Variants in SYNJ1 observed in about 807,000 individuals in gnomAD.
SYNJ1 encodes synaptojanin 1, also known as polyphosphatidylinositol phosphatase SYNJ1.
SYNJ1 carries 78 observed loss-of-function variants against 168.2 expected under a neutral mutation model. The ratio of observed to expected loss-of-function variants is 0.46; its 90% CI spans 0.39 to 0.56. The LOEUF (loss-of-function observed/expected upper bound fraction) is 0.56, where lower values mean the gene tolerates loss of function less well. SYNJ1 is among the 20% of genes least tolerant of loss of function. SYNJ1 has a pLI of 0.00. For synonymous variants in SYNJ1, 539 were observed against 548.6 expected, an observed-to-expected ratio of 0.98 and a Z score of 0.24; for missense variants, 1,303 against 1,597.6, an observed-to-expected ratio of 0.82 and a Z score of 3.14.
chr21:32,641,921 G>C lies in SYNJ1; in HGVS notation c.3563C>G (p.Pro1188Arg). The C allele has an allele frequency of 6.2e-7, 1 of 1,613,698 alleles. No individual in the cohort carries two copies. Among genetic ancestry groups the C allele is most frequent in the Non-Finnish European group, 8.5e-7 (1 of 1,179,752 alleles). The change falls in exon 29 of 33, where the codon CCT (proline) becomes CGT (arginine). Residue 1188 changes from proline (P) to arginine (R), a missense_variant. Physicochemically the swap from Pro to Arg is moderately radical, Grantham distance 103. Coordinates refer to ENST00000674351, the MANE Select transcript of SYNJ1 (RefSeq NM_203446.3). ...SPQAGLAGPG[P>R]AGYSTARPTI... ...CGGTCTGGCTGTACTGTATCCAGCA[G>C]GTCCTGGGCCTGCAAGTCCTGCTTG...
At chr21:32,649,099 C>T (rs1396558452) in intron 23 of SYNJ1, among the ~76,000 whole-genome samples, 1 of 152,194 alleles carries the variant, frequency 6.6e-6, no homozygotes, top group Non-Finnish European at 1.5e-5. Context: ...GCAACTTTCC[C>T]ATGAGCTACC....
chr21:32,634,645 A>G (rs1353270000), intron 32 of SYNJ1, among the ~76,000 whole-genome samples: 1 of 152,218 alleles, frequency 6.6e-6, no homozygotes, highest in African/African-American at 2.4e-5. Context: ...AATGAAGCAA[A>G]AAGTGGTAAA....
At chr21:32,723,020 T>C (rs1216863138) in intron 2 of SYNJ1, among the ~76,000 whole-genome samples, 1 of 152,238 alleles carries the variant, frequency 6.6e-6, no homozygotes, top group Admixed American at 6.5e-5. Flanking sequence ...AATCTAATTA[T>C]ATCAGAATAT....
chr21:32,641,629 T>C (rs948199144), intron 29 of SYNJ1, among the ~76,000 whole-genome samples: 1 of 152,230 alleles, frequency 6.6e-6, no homozygotes, highest in Non-Finnish European at 1.5e-5. Flanking sequence ...CATTTCCTCA[T>C]ATACTGAGAC....
At chr21:32,659,411 C>T (rs530643745) in intron 18 of SYNJ1, among the ~76,000 whole-genome samples, 4 of 152,070 alleles carry the variant, frequency 2.6e-5, no homozygotes, top group African/African-American at 9.7e-5. Context: ...TGCCCAATTT[C>T]TGCCTCCAAA....
chr21:32,705,244 T>C (rs2042566754), intron 2 of SYNJ1, among the ~76,000 whole-genome samples: 1 of 151,824 alleles, frequency 6.6e-6, no homozygotes, highest in Non-Finnish European at 1.5e-5. Flanking sequence ...ATATGTCATA[T>C]ACATATATAG....
chr21:32,670,530 A>G (rs999966475), intron 14 of SYNJ1, among the ~76,000 whole-genome samples, 158 bp from the exon 15 acceptor site: 2 of 152,234 alleles, frequency 1.3e-5, no homozygotes, highest in East Asian at 1.9e-4. Flanking sequence ...GTGGAATGAA[A>G]TTATTAAAAT....
intron 2 of SYNJ1, among the ~76,000 whole-genome samples, chr21:32,708,972 T>A (rs2042716639): frequency 6.6e-6 from 1 of 151,958 alleles, no homozygotes; most frequent in Non-Finnish European, 1.5e-5. Flanking sequence ...AAAATAAAGG[T>A]GGAACAATAT....
chr21:32,690,818 A>T (rs561971948), intron 6 of SYNJ1, among the ~76,000 whole-genome samples: 28 of 152,302 alleles, frequency 1.8e-4, no homozygotes, highest in African/African-American at 6.7e-4. Flanking sequence ...GCTACTCGGG[A>T]TGCTGAGGTA....
intron 17 of SYNJ1, 76 bp from the exon 18 acceptor site, chr21:32,665,147 G>A (rs750835359): frequency 4.7e-5 from 66 of 1,418,332 alleles, no homozygotes; most frequent in Non-Finnish European, 5.8e-5. Flanking sequence ...TTCTTTGCCT[G>A]AGATATGCTT....
intron 24 of SYNJ1, 101 bp from the exon 25 acceptor site, chr21:32,645,890 C>G: frequency 6.8e-7 from 1 of 1,480,322 alleles, no homozygotes; most frequent in Non-Finnish European, 9.2e-7. Flanking sequence ...AAAATGTGCA[C>G]AATGGTGTAA....
chr21:32,675,715 G>A (rs1044650790), intron 13 of SYNJ1, among the ~76,000 whole-genome samples: 2 of 152,164 alleles, frequency 1.3e-5, no homozygotes, highest in Admixed American at 6.5e-5. Context: ...GAATGAAGAC[G>A]TGAGATTCCT....
At position 32,643,413 on chromosome 21, in the gene SYNJ1, C is replaced by T. The variant is rs561276644; in HGVS notation, c.3475G>A (p.Glu1159Lys). The change falls in exon 27 of 33, where the codon GAA becomes AAA. Residue 1159 changes from glutamate to lysine, a missense_variant. By Grantham distance (56) the Glu-to-Lys change is moderately conservative. Transcript: ENST00000674351. The stretch of plus-strand genomic sequence containing the variant: ...TATAATGCAAGAGTCTTGTTACCTT[C>T]CATCTCTCTCCTAGCTACCCCAGGA... ...PSPGVARREM[E>K]APKSPGTTRK... The T allele has an allele frequency of 3.5e-5, 57 of 1,613,476 alleles. No homozygotes were observed. Among genetic ancestry groups the T allele is most frequent in the Non-Finnish European group, 4.6e-5 (54 of 1,179,734 alleles).
chr21:32,699,244 C>T (rs545497181), intron 4 of SYNJ1, among the ~76,000 whole-genome samples: 6 of 152,190 alleles, frequency 3.9e-5, no homozygotes, highest in African/African-American at 7.2e-5. Context: ...GCTGGAAACA[C>T]CCCCAAGACA....
rs13554 is a variant in SYNJ1, at chr21:32,629,186, G to A, written c.*2619C>T. 0.46 allele frequency: 70,400 copies of A among 152,438 alleles called. 16,381 individuals are homozygous for A. The highest frequency in any genetic ancestry group is 0.51 in the African/African-American group (21,137 of 41,448). The allele number at this position is 152,438 out of a possible 1,614,324, so 9.4% of individuals were successfully genotyped here. A position where few individuals can be genotyped will look rare whatever the true frequency, so the allele number is the denominator to read the frequency against. Reference sequence around the variant, plus strand: ...GCTCACAGATCTGCAATTTGCACTAGTGAAGTTTACCTAACAATGAATTAT... The same window carrying A: ...GCTCACAGATCTGCAATTTGCACTAATGAAGTTTACCTAACAATGAATTAT... On this transcript the variant is annotated 3_prime_UTR_variant, in exon 33 of 33. Transcript: ENST00000674351.
In SYNJ1 at chr21:32,726,836, G is replaced by A; in HGVS notation, c.60C>T (p.Leu20=). 2 of 1,614,182 alleles carry A rather than the reference G, an allele frequency of 1.2e-6. No homozygotes were observed. Among genetic ancestry groups the A allele is most frequent in the Non-Finnish European group, 1.7e-6 (2 of 1,180,034 alleles). ...CTTCCTTATGCCTAGTTTCCACTAT[G>A]AGGCTGAAAGGTGGGGGATCCAATT... ...YHKLDPPPFS[L]IVETRHKEEC... The change falls in exon 2 of 33, where the codon CTC becomes CTT. Residue 20 remains leucine, a synonymous_variant. Transcript: ENST00000674351.
chr21:32,666,999 G>A (rs925966769), intron 15 of SYNJ1, among the ~76,000 whole-genome samples: 10 of 151,258 alleles, frequency 6.6e-5, no homozygotes, highest in Admixed American at 1.3e-4. Context: ...TAAATCTCTC[G>A]TATACTTTAA....
intron 23 of SYNJ1, 81 bp downstream of exon 23, chr21:32,650,103 T>C: frequency 6.7e-7 from 1 of 1,484,374 alleles, no homozygotes. Flanking sequence ...AGAAGAAAGA[T>C]GAACTTGGAA....
chr21:32,726,426 A>T (rs1364388444), intron 2 of SYNJ1, among the ~76,000 whole-genome samples: 1 of 152,196 alleles, frequency 6.6e-6, no homozygotes, highest in Non-Finnish European at 1.5e-5. Context: ...TAACTGACCT[A>T]CCAGTAAATA....
Sources: allele counts gnomAD v4.1 joint callset (sites outside exome capture counted in the v4.1 genomes callset), GRCh38; gene constraint gnomAD v4.1.1; transcripts MANE v1.5; gene names NCBI Gene and HGNC (gene_info 2026-07-23, HGNC 2026-07-21).